The following TPD52 variants were observed in gnomAD, a reference collection of about 807,000 sequenced individuals.
TPD52 encodes tumor protein D52, also known as prostate and colon associated protein.
In TPD52, 17 loss-of-function variants were observed where a neutral mutation model predicts 31.3. The observed-to-expected ratio is 0.54, with a 90% CI of 0.37 to 0.82. The LOEUF (loss-of-function observed/expected upper bound fraction) is 0.82, where lower values mean the gene tolerates loss of function less well. Among genes scored for constraint, TPD52 ranks in the 40% least tolerant of loss-of-function variants. TPD52 has a pLI of 0.00. For synonymous variants in TPD52, 83 were observed against 89.6 expected, an observed-to-expected ratio of 0.93 and a Z score of 0.42; for missense variants, 212 against 240.1, an observed-to-expected ratio of 0.88 and a Z score of 0.77.
chr8:80,094,435 T>C (rs1816540824), intron 1 of TPD52, among the ~76,000 whole-genome samples: 1 of 9,748 alleles, frequency 1.0e-4, no homozygotes, highest in South Asian at 4.8e-3. Context: ...AAATTTTATA[T>C]ATATATATAT....
chr8:80,146,375 A>G (rs990510091), intron 1 of TPD52, among the ~76,000 whole-genome samples: 1 of 152,250 alleles, frequency 6.6e-6, no homozygotes, highest in East Asian at 1.9e-4. Flanking sequence ...AAAGACTTAG[A>G]AAAACTGGCT....
chr8:80,100,615 T>C (rs976952313), intron 1 of TPD52, among the ~76,000 whole-genome samples: 3 of 152,210 alleles, frequency 2.0e-5, no homozygotes, highest in Non-Finnish European at 2.9e-5. Flanking sequence ...TATTAGGTCA[T>C]TTGTACAGTC....
At chr8:80,129,224 A>C (rs1043050195) in intron 1 of TPD52, among the ~76,000 whole-genome samples, 1 of 152,184 alleles carries the variant, frequency 6.6e-6, no homozygotes, top group Non-Finnish European at 1.5e-5. Context: ...CTCTTTTTAA[A>C]ATTTTTAAAA....
intron 1 of TPD52, among the ~76,000 whole-genome samples, chr8:80,157,269 G>C (rs1291412041): frequency 1.7e-5 from 2 of 120,054 alleles, no homozygotes; most frequent in Non-Finnish European, 3.5e-5. Flanking sequence ...CCTCTTGAAG[G>C]CTAAAAAAAA....
rs534791978 is a variant in TPD52 at position 80,050,809 on chromosome 8, A to C, written c.387-338T>G. 3.3e-5 allele frequency among the ~76,000 whole-genome samples: 5 copies of C among 152,346 alleles called. No individual in the cohort carries two copies. The South Asian group carries it at 1.0e-3, about 32-fold the overall frequency. ...GATATACACTTTCCCCACAAATGCAAAACACGAAGCCATGCAATCTGAGCA... is the reference window on the plus strand; with the variant it reads ...GATATACACTTTCCCCACAAATGCACAACACGAAGCCATGCAATCTGAGCA... On this transcript the variant is annotated intron_variant, in intron 4 of 7. Coordinates refer to ENST00000518937, the MANE Select transcript of TPD52 (RefSeq NM_001025253.3).
At chr8:80,120,928 A>G (rs926889912) in intron 1 of TPD52, among the ~76,000 whole-genome samples, 1 of 152,008 alleles carries the variant, frequency 6.6e-6, no homozygotes, top group African/African-American at 2.4e-5. Flanking sequence ...TAAAATTTCA[A>G]AAAATTAGCT....
At chr8:80,055,423 C>T (rs1019349614) in intron 2 of TPD52, among the ~76,000 whole-genome samples, 1 of 152,138 alleles carries the variant, frequency 6.6e-6, no homozygotes, top group East Asian at 1.9e-4. Flanking sequence ...CAAAGATCAA[C>T]TCAAAATGGA....
chr8:80,063,740 T>A (rs1169508438), intron 2 of TPD52, among the ~76,000 whole-genome samples: 1 of 151,798 alleles, frequency 6.6e-6, no homozygotes, highest in Non-Finnish European at 1.5e-5. Context: ...GAGGTTGCAA[T>A]GAGCCAAGAT....
intron 5 of TPD52, among the ~76,000 whole-genome samples, chr8:80,046,285 T>G (rs1319213273): frequency 6.6e-6 from 1 of 152,214 alleles, no homozygotes; most frequent in Non-Finnish European, 1.5e-5. Flanking sequence ...CAGAATAAAA[T>G]CAGTTAACAG....
chr8:80,137,184 G>C (rs1277569822), intron 1 of TPD52, among the ~76,000 whole-genome samples: 1 of 152,178 alleles, frequency 6.6e-6, no homozygotes, highest in African/African-American at 2.4e-5. Context: ...AAACTAAATA[G>C]ATAAGTGTTT....
intron 1 of TPD52, among the ~76,000 whole-genome samples, chr8:80,154,706 TACAC>T (rs36076685): frequency 0.078 from 6,034 of 77,574 alleles, 145 homozygotes; most frequent in East Asian, 0.18. Context: ...AATCATGACA[TACAC>T]ACACACACAC....
chr8:80,070,850 AC>A (rs377358196), intron 1 of TPD52, among the ~76,000 whole-genome samples: 1 of 152,314 alleles, frequency 6.6e-6, no homozygotes, highest in East Asian at 1.9e-4. Context: ...ACCCCTGACA[AC>A]AATGAATGTG....
chr8:80,041,086 G>A (rs1025841251), intron 7 of TPD52, among the ~76,000 whole-genome samples: 2 of 152,066 alleles, frequency 1.3e-5, no homozygotes, highest in African/African-American at 2.4e-5. Context: ...ATGTACTAAC[G>A]TTTGTATGTT....
chr8:80,114,162 C>T lies in TPD52; in HGVS notation c.20-49569G>A, dbSNP rs527615614. ...GCTGAGGTGGGGGAATTGCTTGAAC[C>T]CAGGAAGTGGAGACTGCAGTGAGTG... On this transcript the variant is annotated intron_variant, in intron 1 of 7. Coordinates refer to ENST00000518937, the MANE Select transcript of TPD52 (RefSeq NM_001025253.3). 1.2e-4 allele frequency among the ~76,000 whole-genome samples: 18 copies of T among 152,228 alleles called. No individual in the cohort carries two copies. The South Asian group carries it at 3.7e-3, about 32-fold the overall frequency.
In TPD52 at chr8:80,102,965, G is replaced by A. The variant is rs1291731433; in HGVS notation, c.20-38372C>T. On this transcript the variant is annotated intron_variant, in intron 1 of 7. Transcript: ENST00000518937. Reference sequence around the variant, plus strand: ...CTTCCAGATGGCTGAACCCATGGACGTTCCTGGAGAACGGCATGCTCAAAG... The same window carrying A: ...CTTCCAGATGGCTGAACCCATGGACATTCCTGGAGAACGGCATGCTCAAAG... Among the ~76,000 whole-genome samples, 3 of 152,264 alleles carry A rather than the reference G, an allele frequency of 2.0e-5. 1 individual carries two copies. Among genetic ancestry groups the A allele is most frequent in the Admixed American group, 6.5e-5 (1 of 15,300 alleles).
chr8:80,072,794 C>CATATATATATATATATATATAT (rs202061225), intron 1 of TPD52, among the ~76,000 whole-genome samples: 2 of 141,908 alleles, frequency 1.4e-5, no homozygotes, highest in African/African-American at 6.1e-5. Context: ...TACACACACA[C>CATATATATATATATATATATAT]ACACATATAT....
chr8:80,060,247 T>G lies in TPD52; in HGVS notation c.135+4231A>C, dbSNP rs1011291009. ...CAGAAAGGATTATAAAAGAATATTA[T>G]GAGCAATTGTACACCAACATACTAG... On this transcript the variant is annotated intron_variant, in intron 2 of 7. Transcript: ENST00000518937. 4.0e-5 allele frequency among the ~76,000 whole-genome samples: 6 copies of G among 149,430 alleles called. No homozygotes were observed. In the Admixed American group the frequency reaches 4.0e-4, roughly 10 times the overall value.
chr8:80,074,020 A>G (rs1814232909), intron 1 of TPD52, among the ~76,000 whole-genome samples: 1 of 152,210 alleles, frequency 6.6e-6, no homozygotes, highest in Non-Finnish European at 1.5e-5. Context: ...AATGGAGTCT[A>G]AGATATCTGC....
intron 1 of TPD52, among the ~76,000 whole-genome samples, chr8:80,097,420 T>C (rs1586292142): frequency 6.6e-6 from 1 of 152,352 alleles, no homozygotes; most frequent in African/African-American, 2.4e-5. Context: ...CCAAATCTCA[T>C]GTCAAATTGT....
Sources: allele counts gnomAD v4.1 joint callset (sites outside exome capture counted in the v4.1 genomes callset), GRCh38; gene constraint gnomAD v4.1.1; transcripts MANE v1.5; gene names NCBI Gene and HGNC (gene_info 2026-07-23, HGNC 2026-07-21).